The following LRMDA variants were observed in gnomAD, a reference collection of about 807,000 sequenced individuals.
LRMDA encodes the protein leucine rich melanocyte differentiation associated.
LRMDA carries 18 observed loss-of-function variants against 29.8 expected under a neutral mutation model. The observed-to-expected ratio is 0.60, with a 90% confidence interval of 0.42 to 0.90. LRMDA has a LOEUF of 0.90. Among genes scored for constraint, LRMDA ranks in the 40% least tolerant of loss-of-function variants. The pLI is 0.00. For synonymous variants in LRMDA, 125 were observed against 109.4 expected (o/e 1.14, Z -0.89); for missense variants, 273 against 273.9 (o/e 1.00, Z 0.02).
intron 2 of LRMDA, among the ~76,000 whole-genome samples, chr10:75,699,196 G>T (rs1400607723): frequency 2.9e-5 from 4 of 138,132 alleles, no homozygotes; most frequent in Non-Finnish European, 6.1e-5. Context: ...GTGAGACTTG[G>T]TCTCAAAAAA....
chr10:75,547,145 G>T (rs1477866522), intron 2 of LRMDA, among the ~76,000 whole-genome samples: 1 of 152,082 alleles, frequency 6.6e-6, no homozygotes, highest in Non-Finnish European at 1.5e-5. Flanking sequence ...GGAGAAGAAG[G>T]ATCACCCAAG....
chr10:76,078,049 C>T (rs1272464506), intron 5 of LRMDA, among the ~76,000 whole-genome samples: 3 of 110,584 alleles, frequency 2.7e-5, no homozygotes, highest in Non-Finnish European at 5.0e-5. Context: ...CTCGCTCTGT[C>T]GCCCAGGCTG....
At chr10:76,180,679 G>A (rs993526168) in intron 5 of LRMDA, among the ~76,000 whole-genome samples, 7 of 152,116 alleles carry the variant, frequency 4.6e-5, no homozygotes, top group Non-Finnish European at 7.4e-5. Flanking sequence ...CCCAGAATGG[G>A]CTGATGAAAT....
chr10:75,877,633 G>T (rs970824447), intron 2 of LRMDA, among the ~76,000 whole-genome samples: 1 of 152,184 alleles, frequency 6.6e-6, no homozygotes, highest in Non-Finnish European at 1.5e-5. Flanking sequence ...AGTCTAACAG[G>T]CAAACTAGCT....
intron 2 of LRMDA, among the ~76,000 whole-genome samples, chr10:75,949,687 A>G (rs1193914371): frequency 1.3e-5 from 2 of 152,106 alleles, no homozygotes; most frequent in Non-Finnish European, 2.9e-5. Context: ...CTCGATTTGG[A>G]GCTTGTGATG....
chr10:75,790,579 A>T (rs1306592901), intron 2 of LRMDA, among the ~76,000 whole-genome samples: 1 of 152,214 alleles, frequency 6.6e-6, no homozygotes, highest in African/African-American at 2.4e-5. Context: ...GTAAAGTATC[A>T]CAAGAGCTTA....
intron 5 of LRMDA, among the ~76,000 whole-genome samples, chr10:76,316,299 G>T (rs1168755570): frequency 3.9e-5 from 6 of 152,160 alleles, no homozygotes; most frequent in Non-Finnish European, 1.5e-5. Flanking sequence ...CTTGCAGGAC[G>T]CCTGGTCCAG....
chr10:75,896,841 TTG>T lies in LRMDA; in HGVS notation c.132-139137_132-139136del, dbSNP rs35428137. The stretch of plus-strand genomic sequence containing the variant: ...CAGTGCTAACTCTGAGAGTGTGCAT[TTG>T]TGTGTGTGTGTGTGTGTGTGTGTGT... On this transcript the variant is annotated intron_variant, in intron 2 of 6. Coordinates refer to ENST00000611255, the MANE Select transcript of LRMDA (RefSeq NM_001305581.2). Among the ~76,000 whole-genome samples the T allele has an allele frequency of 4.7e-3, 700 of 147,400 alleles. 2 individuals are homozygous for T. Among genetic ancestry groups the T allele is most frequent in the Non-Finnish European group, 5.3e-3 (357 of 66,820 alleles).
chr10:76,015,324 G>A (rs1002418825), intron 2 of LRMDA, among the ~76,000 whole-genome samples: 15 of 152,210 alleles, frequency 9.9e-5, no homozygotes, highest in Admixed American at 9.2e-4. Flanking sequence ...CTGCAGTCCT[G>A]TCAAGGCTTC....
At chr10:75,468,130 A>G (rs1004981923) in intron 2 of LRMDA, among the ~76,000 whole-genome samples, 7 of 152,220 alleles carry the variant, frequency 4.6e-5, no homozygotes, top group African/African-American at 1.4e-4. Flanking sequence ...GAGCATCAGT[A>G]GTCTGGAACC....
chr10:75,801,995 A>G (rs986029613), intron 2 of LRMDA, among the ~76,000 whole-genome samples: 3 of 152,038 alleles, frequency 2.0e-5, no homozygotes, highest in African/African-American at 7.2e-5. Flanking sequence ...TTGGCAGGGG[A>G]CACAGCTTGA....
intron 2 of LRMDA, among the ~76,000 whole-genome samples, chr10:75,811,118 A>G (rs1475918293): frequency 6.6e-6 from 1 of 152,166 alleles, no homozygotes; most frequent in African/African-American, 2.4e-5. Context: ...GGATAAATAC[A>G]TTTAAAATAT....
At chr10:75,998,339 G>A (rs12260955) in intron 2 of LRMDA, among the ~76,000 whole-genome samples, 23,736 of 151,950 alleles carry the variant, frequency 0.16, 3,413 homozygotes, top group African/African-American at 0.38. Context: ...GTTTTTGTAC[G>A]CAGTGGGCAC....
At chr10:75,515,187 A>G (rs75199852) in intron 2 of LRMDA, among the ~76,000 whole-genome samples, 1 of 152,132 alleles carries the variant, frequency 6.6e-6, no homozygotes, top group Non-Finnish European at 1.5e-5. Flanking sequence ...TCATAGAGAC[A>G]GAAGTAGATT....
intron 2 of LRMDA, among the ~76,000 whole-genome samples, chr10:75,713,192 A>C (rs1842458443): frequency 6.6e-6 from 1 of 152,206 alleles, no homozygotes; most frequent in Admixed American, 6.5e-5. Flanking sequence ...TTCTAACCCA[A>C]ACCCCAAATA....
At chr10:75,562,306 G>A (rs1378520782) in intron 2 of LRMDA, among the ~76,000 whole-genome samples, 5 of 151,988 alleles carry the variant, frequency 3.3e-5, no homozygotes, top group Non-Finnish European at 7.4e-5. Context: ...TGTCTCTTTT[G>A]ATCTTTGTTG....
intron 3 of LRMDA, among the ~76,000 whole-genome samples, chr10:76,046,417 A>T (rs967222055): frequency 6.6e-6 from 1 of 151,808 alleles, no homozygotes. Context: ...TCATTCTCTA[A>T]TTCCCTCACT....
chr10:75,732,129 A>AT (rs1842707021), intron 2 of LRMDA, among the ~76,000 whole-genome samples: 1 of 152,166 alleles, frequency 6.6e-6, no homozygotes, highest in Admixed American at 6.5e-5. Context: ...TGTGTAATAA[A>AT]TTTTTATCAG....
At chr10:76,177,040 GTTTA>G (rs1411379292) in intron 5 of LRMDA, among the ~76,000 whole-genome samples, 1 of 152,128 alleles carries the variant, frequency 6.6e-6, no homozygotes, top group Non-Finnish European at 1.5e-5. Flanking sequence ...ATGGTGTGTT[GTTTA>G]TTTATTTTTT....
Sources: allele counts gnomAD v4.1 joint callset (sites outside exome capture counted in the v4.1 genomes callset), GRCh38; gene constraint gnomAD v4.1.1; transcripts MANE v1.5; gene names NCBI Gene and HGNC (gene_info 2026-07-23, HGNC 2026-07-21).